The following PTPRZ1 variants were observed in gnomAD, a reference collection of about 807,000 sequenced individuals.
PTPRZ1 encodes the protein protein tyrosine phosphatase receptor type Z1.
Under a neutral mutation model 214.1 loss-of-function variants are expected in PTPRZ1, and 82 were observed. That is an observed-to-expected ratio of 0.38 (90% confidence interval 0.32 to 0.46). PTPRZ1 has a LOEUF of 0.46. Among genes scored for constraint, PTPRZ1 ranks in the 20% least tolerant of loss-of-function variants. The probability of loss-of-function intolerance (pLI) is 1.00; values close to 1 mark genes in which losing one functional copy is unlikely to be tolerated. For synonymous variants in PTPRZ1, 945 were observed against 987.9 expected (o/e 0.96, Z 0.81); for missense variants, 2,603 against 2,748.7 (o/e 0.95, Z 1.19).
intron 1 of PTPRZ1, among the ~76,000 whole-genome samples, chr7:121,892,674 C>T (rs1343771025): frequency 4.2e-5 from 4 of 95,676 alleles, no homozygotes; most frequent in Middle Eastern, 8.1e-3. Flanking sequence ...GTTCTTCAAG[C>T]ATCTCATATA....
At chr7:122,044,589 C>T (rs1339155300) in intron 23 of PTPRZ1, 21 bp downstream of exon 23, 6 of 1,610,506 alleles carry the variant, frequency 3.7e-6, no homozygotes, top group Non-Finnish European at 5.1e-6. Flanking sequence ...TTGGAAGCCT[C>T]TTGGATGTCA....
At chr7:122,047,445 G>A (rs1002587257) in intron 23 of PTPRZ1, among the ~76,000 whole-genome samples, 1 of 151,982 alleles carries the variant, frequency 6.6e-6, no homozygotes, top group African/African-American at 2.4e-5. Context: ...CAGAGACCCT[G>A]GGTGGTACAA....
At chr7:121,880,483 T>G (rs892578397) in intron 1 of PTPRZ1, among the ~76,000 whole-genome samples, 3 of 152,202 alleles carry the variant, frequency 2.0e-5, no homozygotes, top group Non-Finnish European at 4.4e-5. Context: ...TTTTTCACTG[T>G]TACTGACTGA....
Position 122,040,832 on chromosome 7 carries a change from G to C in PTPRZ1, c.5654G>C (p.Arg1885Thr). Reference sequence around the variant, plus strand: ...CTTTTCCAGGGCTCCCAGAAAGGAAGACCCAGTGGACGTGTGGTCACACAG... The same window carrying C: ...CTTTTCCAGGGCTCCCAGAAAGGAACACCCAGTGGACGTGTGGTCACACAG... ...TKIKKGSQKG[R>T]PSGRVVTQYH... The change falls in exon 21 of 30, where the codon AGA becomes ACA. Residue 1885 changes from arginine (R) to threonine (T), a missense_variant. By Grantham distance (71) the Arg-to-Thr change is moderately conservative. Coordinates refer to ENST00000393386, the MANE Select transcript of PTPRZ1 (RefSeq NM_002851.3). 1 of 1,566,496 alleles carries C rather than the reference G, an allele frequency of 6.4e-7. No homozygotes were observed. Among genetic ancestry groups the C allele is most frequent in the Non-Finnish European group, 8.7e-7 (1 of 1,151,282 alleles).
intron 6 of PTPRZ1, among the ~76,000 whole-genome samples, chr7:121,979,934 A>G (rs944878416): frequency 2.4e-4 from 37 of 152,296 alleles, no homozygotes; most frequent in African/African-American, 8.2e-4. Context: ...TGTGATATCT[A>G]GTTACCACAT....
At chr7:122,052,273 G>A (rs965889828) in intron 25 of PTPRZ1, among the ~76,000 whole-genome samples, 26 of 152,140 alleles carry the variant, frequency 1.7e-4, no homozygotes, top group South Asian at 2.1e-4. Flanking sequence ...GCAAACCCGG[G>A]ATTCACTGGC....
intron 1 of PTPRZ1, among the ~76,000 whole-genome samples, chr7:121,889,677 C>T (rs572237746): frequency 6.6e-6 from 1 of 152,168 alleles, no homozygotes; most frequent in South Asian, 2.1e-4. Flanking sequence ...GAAGAGTTTT[C>T]TATAGTCACT....
chr7:121,951,704 A>G (rs1000930019), intron 2 of PTPRZ1, among the ~76,000 whole-genome samples: 6 of 152,174 alleles, frequency 3.9e-5, no homozygotes, highest in African/African-American at 1.2e-4. Flanking sequence ...CTACCTGTAG[A>G]AGTCCTAAGC....
intron 2 of PTPRZ1, among the ~76,000 whole-genome samples, chr7:121,948,598 A>G (rs560411704): frequency 6.6e-6 from 1 of 152,302 alleles, no homozygotes; most frequent in East Asian, 1.9e-4. Context: ...GTAGAGGATG[A>G]ATGTTTCAGG....
chr7:121,990,898 G>T (rs1797940554), intron 8 of PTPRZ1, among the ~76,000 whole-genome samples: 1 of 152,220 alleles, frequency 6.6e-6, no homozygotes, highest in Non-Finnish European at 1.5e-5. Context: ...GCAAAAGTAT[G>T]AAGTAGATTA....
intron 2 of PTPRZ1, among the ~76,000 whole-genome samples, chr7:121,936,979 C>T (rs146159881): frequency 1.1e-3 from 166 of 152,274 alleles, no homozygotes; most frequent in African/African-American, 3.8e-3. Flanking sequence ...GATGAGATAA[C>T]CGCTTGACTG....
chr7:121,933,453 G>A (rs1250600750), intron 2 of PTPRZ1, among the ~76,000 whole-genome samples: 2 of 151,890 alleles, frequency 1.3e-5, no homozygotes, highest in African/African-American at 2.4e-5. Flanking sequence ...TATGTTCTCA[G>A]GTATTCTTAA....
intron 4 of PTPRZ1, among the ~76,000 whole-genome samples, chr7:121,973,940 G>GAAAAAAAAAAAAAAAAAAAAAAAA (rs371692415): frequency 1.2e-5 from 1 of 86,224 alleles, no homozygotes; most frequent in Non-Finnish European, 2.1e-5. Context: ...TCTCAAAAAA[G>GAAAAAAAAAAAAAAAAAAAAAAAA]AAAAAAAAAA....
chr7:121,981,034 C>T (rs972732986), intron 6 of PTPRZ1, among the ~76,000 whole-genome samples: 1 of 151,484 alleles, frequency 6.6e-6, no homozygotes, highest in Non-Finnish European at 1.5e-5. Flanking sequence ...CCCAGCTACT[C>T]GGGAGGCTGA....
intron 1 of PTPRZ1, among the ~76,000 whole-genome samples, chr7:121,906,085 T>C (rs1026833771): frequency 1.3e-5 from 2 of 152,188 alleles, no homozygotes; most frequent in African/African-American, 4.8e-5. Context: ...AGTGGTACTT[T>C]TTTTCTAGGA....
In PTPRZ1 at chr7:122,042,681, G is replaced by C; in HGVS notation, c.5875G>C (p.Val1959Leu). ...GCAGCAGATTCAACACGAAGGAACTGTCAACATATTTGGCTTCTTAAAACA... is the reference window on the plus strand; with the variant it reads ...GCAGCAGATTCAACACGAAGGAACTCTCAACATATTTGGCTTCTTAAAACA... Reference protein sequence around the residue: ...MLQQIQHEGTVNIFGFLKHIR... With the variant: ...MLQQIQHEGTLNIFGFLKHIR... The change falls in exon 22 of 30, where the codon GTC becomes CTC. Residue 1959 changes from valine to leucine, a missense_variant. Around this residue, in one of 6 missense-constraint regions of PTPRZ1, gnomAD observed 1,913 missense variants for 1,914.3 expected, o/e 1.00. Transcript: ENST00000393386. 1 of 1,613,664 alleles carries C rather than the reference G, an allele frequency of 6.2e-7. No individual in the cohort carries two copies. Among genetic ancestry groups the C allele is most frequent in the Non-Finnish European group, 8.5e-7 (1 of 1,179,616 alleles).
chr7:122,011,169 T>C lies in PTPRZ1; in HGVS notation c.2123T>C (p.Leu708Pro), dbSNP rs761114362. 1 of 1,614,138 alleles carries C rather than the reference T, an allele frequency of 6.2e-7. No homozygotes were observed. The highest frequency in any genetic ancestry group is 1.1e-5 in the South Asian group (1 of 91,084). Residue 708 changes from leucine to proline, a missense_variant, in exon 12 of 30, where the codon CTG becomes CCG. Physicochemically the swap from Leu to Pro is moderately conservative, Grantham distance 98. Around this residue, in one of 6 missense-constraint regions of PTPRZ1, gnomAD observed 1,913 missense variants for 1,914.3 expected, o/e 1.00. Transcript: ENST00000393386. ...TCACAGGGTCCCTCAGTTACAGATC[T>C]GGAAATGCCACATTATTCTACCTTT... ...VMSQGPSVTDLEMPHYSTFAY... is the reference protein window; with the variant it reads ...VMSQGPSVTDPEMPHYSTFAY...
chr7:121,924,069 A>G (rs1268037926), intron 1 of PTPRZ1, among the ~76,000 whole-genome samples: 1 of 152,146 alleles, frequency 6.6e-6, no homozygotes, highest in Non-Finnish European at 1.5e-5. Flanking sequence ...ATTTTCTTGT[A>G]TATCATGTGA....
chr7:121,921,829 G>C (rs539249081), intron 1 of PTPRZ1, among the ~76,000 whole-genome samples: 76 of 152,258 alleles, frequency 5.0e-4, no homozygotes, highest in African/African-American at 1.8e-3. Context: ...GGTTACACCT[G>C]AAGTGGTTAA....
Sources: gnomAD v4.1 joint callset for allele counts (sites outside exome capture counted in the v4.1 genomes callset) on GRCh38, gnomAD v4.1.1 for gene constraint, gnomAD v4.1.1 regional missense constraint, MANE v1.5 for transcripts, NCBI Gene and HGNC (gene_info 2026-07-23, HGNC 2026-07-21) for gene names.